The following UNC45B variants were observed in gnomAD, a reference collection of about 807,000 sequenced individuals.
UNC45B encodes unc-45 myosin chaperone B, also known as protein unc-45 homolog B.
UNC45B carries 78 observed loss-of-function variants against 98.7 expected under a neutral mutation model. That is an observed-to-expected ratio of 0.79 (90% CI 0.66 to 0.95). The LOEUF is 0.95. Among genes scored for constraint, UNC45B ranks in the 40% least tolerant of loss-of-function variants. The pLI is 0.00. For missense variants in UNC45B, 1,225 were observed against 1,184.9 expected, an observed-to-expected ratio of 1.03 and a Z score of -0.50; for synonymous variants, 462 against 480.4, an observed-to-expected ratio of 0.96 and a Z score of 0.50.
intron 3 of UNC45B, 67 bp downstream of exon 3, chr17:35,149,076 A>G: frequency 6.3e-7 from 1 of 1,584,092 alleles, no homozygotes; most frequent in Non-Finnish European, 8.7e-7. Context: ...GTTTTAATCT[A>G]GTTACCATTT....
chr17:35,163,257 A>G (rs1484069706), intron 8 of UNC45B, among the ~76,000 whole-genome samples: 1 of 152,196 alleles, frequency 6.6e-6, no homozygotes, highest in South Asian at 2.1e-4. Flanking sequence ...TTACCCTTCT[A>G]TACTTATCAC....
At chr17:35,161,482 G>A (rs754944666) in intron 8 of UNC45B, among the ~76,000 whole-genome samples, 4 of 152,118 alleles carry the variant, frequency 2.6e-5, no homozygotes, top group African/African-American at 4.8e-5. Context: ...AGGGGAGACC[G>A]GGAGATGAGA....
At chr17:35,178,900 A>C (rs967936546) in intron 17 of UNC45B, among the ~76,000 whole-genome samples, 6 of 152,036 alleles carry the variant, frequency 3.9e-5, no homozygotes, top group Admixed American at 1.3e-4. Context: ...TGGTCTATAT[A>C]TCTGTTTTGG....
intron 13 of UNC45B, among the ~76,000 whole-genome samples, chr17:35,173,735 CCTTAA>C (rs529366540): frequency 1.5e-4 from 23 of 152,120 alleles, no homozygotes; most frequent in African/African-American, 5.5e-4. Context: ...ATCTCAAAAT[CCTTAA>C]CTTAATCGTG....
chr17:35,148,280 C>A lies in UNC45B; in HGVS notation c.17C>A (p.Ala6Glu), dbSNP rs780353788. Reference protein sequence around the residue: MAEVEAVQLKEEGNRH... With the variant: MAEVEEVQLKEEGNRH... The stretch of plus-strand genomic sequence containing the variant: ...TCCCAGCAGATGGCAGAGGTGGAAG[C>A]GGTACAGCTGAAGGAGGAAGGAAAC... Residue 6 changes from alanine (A) to glutamate (E), a missense_variant, in exon 2 of 20, where the codon GCG (alanine) becomes GAG (glutamate). Ala to Glu is a moderately radical substitution (Grantham distance 107, BLOSUM62 -1). Coordinates refer to ENST00000394570, the MANE Select transcript of UNC45B (RefSeq NM_001267052.2). The A allele has an allele frequency of 6.2e-7, 1 of 1,614,098 alleles. No homozygotes were observed. The highest frequency in any genetic ancestry group is 1.1e-5 in the South Asian group (1 of 91,082).
At chr17:35,158,384 G>T (rs2092078606) in intron 7 of UNC45B, among the ~76,000 whole-genome samples, 1 of 152,154 alleles carries the variant, frequency 6.6e-6, no homozygotes, top group Non-Finnish European at 1.5e-5. Context: ...GAACATGGTG[G>T]CTGGATTCTA....
At position 35,148,449 on chromosome 17, in the gene UNC45B, G is replaced by A. The variant is rs373024384; in HGVS notation, c.168+18G>A. 9.2e-5 allele frequency: 148 copies of A among 1,611,878 alleles called. No homozygotes were observed. Among genetic ancestry groups the A allele is most frequent in the African/African-American group, 1.2e-4 (9 of 74,896 alleles). ...TGAAAACGGTCTGGGGCAGGGCAGG[G>A]CACAGGGTGGGAGTGAGGCAGAGGG... On this transcript the variant is annotated intron_variant, in intron 2 of 19. Coordinates refer to ENST00000394570, the MANE Select transcript of UNC45B (RefSeq NM_001267052.2).
rs60335622 is a variant in UNC45B, at chr17:35,171,784, A to G, written c.1830+322A>G. Among the ~76,000 whole-genome samples the G allele has an allele frequency of 8.5e-3, 1,292 of 152,340 alleles. 31 individuals are homozygous for G. The highest frequency in any genetic ancestry group is 0.071 in the East Asian group (368 of 5,188). ...CAGTTTTATTTCATGTCTCCAACAG[A>G]TAACAATTTGATTTTCTCAGATTTC... On this transcript the variant is annotated intron_variant, in intron 13 of 19. Transcript: ENST00000394570.
chr17:35,149,186 T>C (rs2091998628), intron 3 of UNC45B, among the ~76,000 whole-genome samples, 177 bp downstream of exon 3: 1 of 152,146 alleles, frequency 6.6e-6, no homozygotes, highest in South Asian at 2.1e-4. Context: ...TGAGGGAAGC[T>C]GCAATATTTA....
In UNC45B at chr17:35,164,078, G is replaced by A. The variant is rs201319738; in HGVS notation, c.1063G>A (p.Ala355Thr). The A allele has an allele frequency of 6.2e-7, 1 of 1,614,038 alleles. No individual in the cohort carries two copies. The highest frequency in any genetic ancestry group is 2.2e-5 in the East Asian group (1 of 44,872). ...LPLTDNTRML[A>T]SILINKLYDD... is the part of the protein sequence containing the mutation. ...CCTGACTGACAACACCCGCATGCTG[G>A]CCTCTATCCTCATCAACAAGCTCTA... The change falls in exon 9 of 20, where the codon GCC (alanine) becomes ACC (threonine). Residue 355 changes from alanine (A) to threonine (T), a missense_variant. Ala to Thr is a moderately conservative substitution (Grantham distance 58). Transcript: ENST00000394570.
Position 35,186,395 on chromosome 17 carries a change from G to T in UNC45B, c.2626G>T (p.Ala876Ser). ...GGTCATTGCCTACAACCTACTGGCA[G>T]CCGATGCTGAGCTGGCCAAGAAGCT... ...GLVIAYNLLAADAELAKKLVE... is the reference protein window; with the variant it reads ...GLVIAYNLLASDAELAKKLVE... The change falls in exon 20 of 20, where the codon GCC (alanine) becomes TCC (serine). Residue 876 changes from alanine to serine, a missense_variant. Transcript: ENST00000394570. 1 of 1,614,232 alleles carries T rather than the reference G, an allele frequency of 6.2e-7. No homozygotes were observed. The highest frequency in any genetic ancestry group is 1.3e-5 in the African/African-American group (1 of 75,060).
chr17:35,173,110 A>C (rs1022728387), intron 13 of UNC45B, among the ~76,000 whole-genome samples: 1 of 148,824 alleles, frequency 6.7e-6, no homozygotes, highest in Non-Finnish European at 1.5e-5. Flanking sequence ...TGTGGCCTAA[A>C]ACGCAATTTT....
chr17:35,157,956 T>G (rs2092075344), intron 7 of UNC45B, among the ~76,000 whole-genome samples: 1 of 152,148 alleles, frequency 6.6e-6, no homozygotes, highest in Non-Finnish European at 1.5e-5. Context: ...CACAGCTCAC[T>G]GCAGCCTCAA....
chr17:35,171,488 G>A (rs776758585), intron 13 of UNC45B, 26 bp downstream of exon 13: 1 of 1,611,090 alleles, frequency 6.2e-7, no homozygotes, highest in East Asian at 2.2e-5. Context: ...ACCCGGGAGG[G>A]GTCTGGTCTG....
intron 1 of UNC45B, 76 bp from the exon 2 acceptor site, chr17:35,148,188 C>G: frequency 6.5e-7 from 1 of 1,549,134 alleles, no homozygotes; most frequent in Non-Finnish European, 8.8e-7. Flanking sequence ...CCTGGAGCTC[C>G]GGACCTCAGG....
intron 4 of UNC45B, among the ~76,000 whole-genome samples, chr17:35,152,547 C>T (rs1042859333): frequency 2.6e-5 from 4 of 152,296 alleles, no homozygotes; most frequent in Admixed American, 2.6e-4. Flanking sequence ...AGACATATTT[C>T]TGTTTTATCC....
intron 16 of UNC45B, 143 bp from the exon 17 acceptor site, chr17:35,177,352 T>C: frequency 1.4e-6 from 1 of 718,944 alleles, no homozygotes; most frequent in South Asian, 1.9e-5. Context: ...AAAATAATCC[T>C]GCCTGTCAGG....
chr17:35,186,501 C>T lies in UNC45B; in HGVS notation c.2732C>T (p.Thr911Ile), dbSNP rs1243915457. The change falls in exon 20 of 20, where the codon ACA becomes ATA. Residue 911 changes from threonine (T) to isoleucine (I), a missense_variant. Transcript: ENST00000394570. ...GAGAAGAAGGCAGAAGTGGTTCAGA[C>T]AGCCCGAGAATGTCTCATCAAGTGC... ...PDEKKAEVVQ[T>I]ARECLIKCMD... 1.2e-6 allele frequency: 2 copies of T among 1,614,224 alleles called. No individual in the cohort carries two copies. Among genetic ancestry groups the T allele is most frequent in the South Asian group, 2.2e-5 (2 of 91,086 alleles).
intron 17 of UNC45B, among the ~76,000 whole-genome samples, chr17:35,180,253 TGAGAGAGAGAGA>T (rs56300196): frequency 3.3e-4 from 46 of 139,946 alleles, no homozygotes; most frequent in East Asian, 9.1e-4. Flanking sequence ...ACATCCAGGA[TGAGAGAGAGAGA>T]GAGAGAGAGA....
Sources: gnomAD v4.1 joint callset for allele counts (sites outside exome capture counted in the v4.1 genomes callset) on GRCh38, gnomAD v4.1.1 for gene constraint, MANE v1.5 for transcripts, NCBI Gene and HGNC (gene_info 2026-07-23, HGNC 2026-07-21) for gene names.